The following ASIC2 variants were observed in gnomAD, a reference collection of about 807,000 sequenced individuals.
The protein encoded by ASIC2 is acid-sensing ion channel 2.
ASIC2 carries 25 observed loss-of-function variants against 57.3 expected under a neutral mutation model. The ratio of observed to expected loss-of-function variants is 0.44; its 90% CI spans 0.32 to 0.61. ASIC2 has a LOEUF of 0.61. Among genes scored for constraint, ASIC2 ranks in the 20% least tolerant of loss-of-function variants. The pLI, the probability that ASIC2 is intolerant of heterozygous loss-of-function variation, is 0.06. For synonymous variants in ASIC2, 319 were observed against 307.5 expected, an observed-to-expected ratio of 1.04 and a Z score of -0.39; for missense variants, 641 against 738.1, an observed-to-expected ratio of 0.87 and a Z score of 1.52.
At chr17:33,544,689 G>A (rs765201161) in intron 1 of ASIC2, among the ~76,000 whole-genome samples, 7 of 151,968 alleles carry the variant, frequency 4.6e-5, no homozygotes, top group Non-Finnish European at 8.8e-5. Flanking sequence ...CACAAATGAT[G>A]ACACAATGCT....
At chr17:33,275,664 G>A (rs967806753) in intron 1 of ASIC2, among the ~76,000 whole-genome samples, 4 of 152,156 alleles carry the variant, frequency 2.6e-5, no homozygotes, top group Non-Finnish European at 4.4e-5. Flanking sequence ...ATGGAGAATG[G>A]ACGTGAAACT....
At chr17:33,261,196 T>C (rs1909267085) in intron 1 of ASIC2, among the ~76,000 whole-genome samples, 3 of 152,182 alleles carry the variant, frequency 2.0e-5, no homozygotes, top group Non-Finnish European at 2.9e-5. Flanking sequence ...AAACTAGCTT[T>C]TTGCCTCTTA....
At chr17:33,036,749 A>G (rs8067835) in intron 3 of ASIC2, among the ~76,000 whole-genome samples, 35,309 of 151,942 alleles carry the variant, frequency 0.23, 5,018 homozygotes, top group African/African-American at 0.39. Context: ...TTCCTTTCCC[A>G]TGAAGCCTTG....
intron 3 of ASIC2, among the ~76,000 whole-genome samples, chr17:33,069,585 A>G (rs547169665): frequency 6.6e-6 from 1 of 152,208 alleles, no homozygotes; most frequent in African/African-American, 2.4e-5. Flanking sequence ...ATGATTATGA[A>G]ATGACCTTCT....
At chr17:33,365,180 C>T (rs1424885244) in intron 1 of ASIC2, among the ~76,000 whole-genome samples, 1 of 152,190 alleles carries the variant, frequency 6.6e-6, no homozygotes, top group African/African-American at 2.4e-5. Flanking sequence ...ACCTCACCCC[C>T]TTTTTGCTCC....
intron 1 of ASIC2, among the ~76,000 whole-genome samples, chr17:34,057,991 C>T (rs948179738): frequency 4.6e-5 from 7 of 152,154 alleles, no homozygotes; most frequent in Admixed American, 3.9e-4. Flanking sequence ...CACCCATGTA[C>T]TTGTGTGCGT....
chr17:33,740,529 T>C (rs1910076645), intron 1 of ASIC2, among the ~76,000 whole-genome samples: 1 of 152,064 alleles, frequency 6.6e-6, no homozygotes, highest in Non-Finnish European at 1.5e-5. Flanking sequence ...ATGATTCAAT[T>C]ACCTCCCACC....
At chr17:33,297,274 G>A (rs1014306376), upstream of ASIC2, among the ~76,000 whole-genome samples, 8 of 152,092 alleles carry the variant, frequency 5.3e-5, no homozygotes, top group Non-Finnish European at 7.3e-5. Flanking sequence ...GAATCTCCTC[G>A]CAATGTGATC....
intron 1 of ASIC2, among the ~76,000 whole-genome samples, chr17:33,591,218 A>G (rs189688607): frequency 2.3e-3 from 346 of 152,306 alleles, no homozygotes; most frequent in African/African-American, 7.3e-3. Context: ...ACCTATAGTC[A>G]ATCAAAACAC....
chr17:33,544,916 T>C (rs1014371939), intron 1 of ASIC2, among the ~76,000 whole-genome samples: 2 of 152,084 alleles, frequency 1.3e-5, no homozygotes, highest in Non-Finnish European at 2.9e-5. Flanking sequence ...CATCAGCCTG[T>C]TGATGGTGCA....
intron 1 of ASIC2, among the ~76,000 whole-genome samples, chr17:33,874,514 C>T (rs1442385932): frequency 1.3e-5 from 2 of 152,226 alleles, no homozygotes; most frequent in Non-Finnish European, 2.9e-5. Flanking sequence ...TTCTTCCTGC[C>T]GTGTCCTCTT....
chr17:33,899,313 G>C (rs983631272), intron 1 of ASIC2, among the ~76,000 whole-genome samples: 1 of 152,134 alleles, frequency 6.6e-6, no homozygotes, highest in Admixed American at 6.5e-5. Context: ...GCTGAACCGT[G>C]GGGTGGACCC....
intron 1 of ASIC2, among the ~76,000 whole-genome samples, chr17:33,806,287 G>A (rs1396564051): frequency 6.6e-6 from 1 of 152,228 alleles, no homozygotes; most frequent in African/African-American, 2.4e-5. Flanking sequence ...ATGTGGCTCT[G>A]TTCCAAGAAA....
In ASIC2 at chr17:33,702,605, T is replaced by G. The variant is rs139818235; in HGVS notation, c.555+453373A>C. ...GAGGGAGGAATTAGGGAGATCCCTA[T>G]GAGCAAGGTGACCTACACAATGACA... On this transcript the variant is annotated intron_variant, in intron 1 of 9. Transcript: ENST00000359872. Among the ~76,000 whole-genome samples, 1,365 of 152,168 alleles carry G rather than the reference T, an allele frequency of 9.0e-3. 6 individuals are homozygous for G. The highest frequency in any genetic ancestry group is 0.014 in the Non-Finnish European group (963 of 67,990).
rs149966007 is a variant in ASIC2, at chr17:33,128,300, C to T, written c.709-16233G>A. Among the ~76,000 whole-genome samples the T allele has an allele frequency of 7.4e-4, 112 of 152,284 alleles. 1 individual carries two copies. The East Asian group carries it at 0.02, about 28-fold the overall frequency. ...CAAGGTCAAGTCTGATGAAGGGAGC[C>T]CTTTTCTTGGTACCACATACTTTTC... On this transcript the variant is annotated intron_variant, in intron 1 of 9. Transcript: ENST00000225823.
intron 1 of ASIC2, among the ~76,000 whole-genome samples, chr17:33,350,687 A>AAAAAGAAAGAAAGAAAGAAAGAAAG (rs1908129738): frequency 1.4e-5 from 2 of 145,556 alleles, no homozygotes; most frequent in South Asian, 2.2e-4. Flanking sequence ...GTGAGAAAAA[A>AAAAAGAAAGAAAGAAAGAAAGAAAG]AAAGAAAGAA....
chr17:33,524,403 G>T (rs1171280164), intron 1 of ASIC2, among the ~76,000 whole-genome samples: 1 of 152,234 alleles, frequency 6.6e-6, no homozygotes, highest in Admixed American at 6.5e-5. Flanking sequence ...TGAACCAGAA[G>T]TGGGAGCTTG....
intron 1 of ASIC2, among the ~76,000 whole-genome samples, chr17:33,996,090 G>C (rs903980526): frequency 2.6e-5 from 4 of 152,024 alleles, no homozygotes; most frequent in Non-Finnish European, 5.9e-5. Context: ...TGCATTTCCT[G>C]GATGATTAGT....
intron 1 of ASIC2, among the ~76,000 whole-genome samples, chr17:33,342,560 A>G (rs892738366): frequency 4.6e-5 from 7 of 152,136 alleles, no homozygotes; most frequent in Admixed American, 3.9e-4. Flanking sequence ...TAGCCTGACC[A>G]TTCCTGGGGG....
Sources: allele counts gnomAD v4.1 joint callset (sites outside exome capture counted in the v4.1 genomes callset), GRCh38; gene constraint gnomAD v4.1.1; transcripts MANE v1.5; gene names NCBI Gene and HGNC (gene_info 2026-07-23, HGNC 2026-07-21).